Variants in NFIB observed in about 807,000 individuals in gnomAD.
NFIB encodes the protein nuclear factor I B, also known as nuclear factor 1 B-type.
Under a neutral mutation model 61.5 loss-of-function variants are expected in NFIB, and 11 were observed. The observed-to-expected ratio is 0.18, with a 90% CI of 0.11 to 0.30. The LOEUF (loss-of-function observed/expected upper bound fraction) is 0.30. Ranked by LOEUF, NFIB falls within the 10% of genes least tolerant of loss-of-function variation. The pLI is 1.00. For synonymous variants in NFIB, 260 were observed against 216.5 expected, an observed-to-expected ratio of 1.20 and a Z score of -1.76; for missense variants, 471 against 608.9, an observed-to-expected ratio of 0.77 and a Z score of 2.38.
At chr9:14,114,761 G>A (rs995172777) in intron 9 of NFIB, among the ~76,000 whole-genome samples, 3 of 152,120 alleles carry the variant, frequency 2.0e-5, no homozygotes, top group Non-Finnish European at 4.4e-5. Flanking sequence ...AACACCACAA[G>A]AGTAGGCATC....
intron 6 of NFIB, among the ~76,000 whole-genome samples, chr9:14,130,588 G>C (rs1036956922): frequency 6.6e-6 from 1 of 151,714 alleles, no homozygotes; most frequent in Non-Finnish European, 1.5e-5. Context: ...TTTTTAAAAA[G>C]GTGACTAATG....
Position 14,116,304 on chromosome 9 carries a change from A to G in NFIB, c.1288T>C (p.Phe430Leu). Residue 430 changes from phenylalanine to leucine, a missense_variant, in exon 9 of 11, where the codon TTC becomes CTC. By Grantham distance (22) the Phe-to-Leu change is conservative. This residue lies in a region of NFIB where 372 missense variants were observed against 395.6 expected (regional missense o/e 0.94). Transcript: ENST00000380953. ...GGAGAGGGTGCCAAGACAGGAGTGA[A>G]ATGGCCAGGCACTTTCCCTACTACT... ...GQVVGKVPGHFTPVLAPSPHP... is the reference protein window; with the variant it reads ...GQVVGKVPGHLTPVLAPSPHP... 1 of 1,538,556 alleles carries G rather than the reference A, an allele frequency of 6.5e-7. No individual in the cohort carries two copies. The highest frequency in any genetic ancestry group is 8.8e-7 in the Non-Finnish European group (1 of 1,140,606).
At position 14,085,396 on chromosome 9, in the gene NFIB, G is replaced by A. The variant is rs2032697348; in HGVS notation, c.*2913C>T. On this transcript the variant is annotated 3_prime_UTR_variant, in exon 11 of 11. Transcript: ENST00000380953. ...CAATGGGACTGGGCGGTGAGGGAAAGGCAAAATAAAACCAGCCTCCATTCA... is the reference window on the plus strand; with the variant it reads ...CAATGGGACTGGGCGGTGAGGGAAAAGCAAAATAAAACCAGCCTCCATTCA... 8.9e-6 allele frequency: 2 copies of A among 223,586 alleles called. No homozygotes were observed. The highest frequency in any genetic ancestry group is 4.5e-5 in the African/African-American group (2 of 44,640). 13.9% of individuals were successfully genotyped at this position (223,586 alleles called of 1,614,324 possible).
intron 2 of NFIB, among the ~76,000 whole-genome samples, chr9:14,248,904 G>T (rs778343358): frequency 6.6e-6 from 1 of 152,184 alleles, no homozygotes; most frequent in Admixed American, 6.5e-5. Flanking sequence ...AAAGAGAATG[G>T]CATAGGAAGA....
intron 1 of NFIB, among the ~76,000 whole-genome samples, chr9:14,324,658 G>A (rs952765082): frequency 1.3e-5 from 2 of 152,096 alleles, no homozygotes; most frequent in African/African-American, 2.4e-5. Context: ...GAGGAATCCA[G>A]AGTTTGTATC....
the NFIB span, among the ~76,000 whole-genome samples, chr9:14,489,205 G>T: frequency 1.3e-5 from 2 of 151,960 alleles, no homozygotes; most frequent in African/African-American, 2.4e-5. Flanking sequence ...TACTGAAAAG[G>T]GTTATAAGCA....
At chr9:14,507,786 T>C in the NFIB span, among the ~76,000 whole-genome samples, 3 of 152,016 alleles carry the variant, frequency 2.0e-5, no homozygotes, top group Non-Finnish European at 4.4e-5. Flanking sequence ...CAGACAGAAA[T>C]AAAGCAACCA....
At chr9:14,234,914 C>CA (rs1009741539) in intron 2 of NFIB, among the ~76,000 whole-genome samples, 34 of 145,974 alleles carry the variant, frequency 2.3e-4, no homozygotes, top group Admixed American at 1.8e-3. Context: ...AACCAGGGGA[C>CA]AAAAAAAAAT....
chr9:14,400,330 C>T (rs554768601), upstream of NFIB, among the ~76,000 whole-genome samples: 1 of 152,302 alleles, frequency 6.6e-6, no homozygotes, highest in Non-Finnish European at 1.5e-5. Flanking sequence ...TGCTGAAGTA[C>T]TTGCAAGCCT....
intron 1 of NFIB, among the ~76,000 whole-genome samples, chr9:14,322,522 G>A (rs1181072615): frequency 9.2e-5 from 14 of 152,060 alleles, no homozygotes; most frequent in African/African-American, 2.9e-4. Flanking sequence ...TCCGCGCCCG[G>A]CCCGCGCTCC....
intron 9 of NFIB, among the ~76,000 whole-genome samples, chr9:14,113,567 T>C (rs2037698848): frequency 6.6e-6 from 1 of 152,190 alleles, no homozygotes; most frequent in African/African-American, 2.4e-5. Flanking sequence ...GAAAATGTCT[T>C]TCTTAAAAGT....
rs12352427 is a variant in NFIB, at chr9:14,328,972, T to G, written c.109-21452A>C. The stretch of plus-strand genomic sequence containing the variant: ...TGAAAAAGTGGAAGGTGAGACTTTT[T>G]GGGCAAGTGTTGCACATAACACGAA... On this transcript the variant is annotated intron_variant, in intron 1 of 8. Coordinates refer to the NFIB transcript ENST00000380934. 3.8e-3 allele frequency among the ~76,000 whole-genome samples: 584 copies of G among 152,354 alleles called. 6 individuals carry two copies. Among genetic ancestry groups the G allele is most frequent in the African/African-American group, 0.014 (564 of 41,582 alleles).
the NFIB span, among the ~76,000 whole-genome samples, chr9:14,524,035 C>T: frequency 6.6e-6 from 1 of 152,160 alleles, no homozygotes; most frequent in Non-Finnish European, 1.5e-5. Flanking sequence ...CAACCCAGAA[C>T]TTGAGTGCTC....
chr9:14,343,452 C>T (rs1424338290), intron 1 of NFIB, among the ~76,000 whole-genome samples: 7 of 151,960 alleles, frequency 4.6e-5, no homozygotes, highest in Non-Finnish European at 7.4e-5. Flanking sequence ...CTGTAGCAGA[C>T]ACAGATGCTT....
At chr9:14,358,307 C>T (rs1421233343) in intron 1 of NFIB, among the ~76,000 whole-genome samples, 3 of 151,224 alleles carry the variant, frequency 2.0e-5, no homozygotes, top group Non-Finnish European at 4.4e-5. Flanking sequence ...AAAATATATA[C>T]TTTAAAAAAA....
chr9:14,445,738 T>C, the NFIB span, among the ~76,000 whole-genome samples: 5 of 152,216 alleles, frequency 3.3e-5, no homozygotes, highest in Admixed American at 3.3e-4. Context: ...AAATTTTGTT[T>C]AGGATTTATG....
intron 6 of NFIB, among the ~76,000 whole-genome samples, chr9:14,131,071 C>T (rs2040345781): frequency 6.6e-6 from 1 of 152,060 alleles, no homozygotes. Context: ...TACTGGATTG[C>T]AGAAAGAATT....
At chr9:14,356,820 G>A (rs1447602870) in intron 1 of NFIB, among the ~76,000 whole-genome samples, 2 of 152,056 alleles carry the variant, frequency 1.3e-5, no homozygotes, top group African/African-American at 2.4e-5. Flanking sequence ...ATTTGGAAGG[G>A]AAACTTTTGC....
the NFIB span, among the ~76,000 whole-genome samples, chr9:14,519,212 C>T: frequency 2.6e-5 from 4 of 152,084 alleles, no homozygotes; most frequent in African/African-American, 4.8e-5. Flanking sequence ...AGCTCAACCT[C>T]GTTCAACAAG....
Sources: gnomAD v4.1 joint callset for allele counts (sites outside exome capture counted in the v4.1 genomes callset) on GRCh38, gnomAD v4.1.1 for gene constraint, gnomAD v4.1.1 regional missense constraint, MANE v1.5 for transcripts, NCBI Gene and HGNC (gene_info 2026-07-23, HGNC 2026-07-21) for gene names.